The following TENT2 variants were observed in gnomAD, a reference collection of about 807,000 sequenced individuals.
TENT2 encodes the protein terminal nucleotidyltransferase 2, also known as poly(A) RNA polymerase GLD2.
Under a neutral mutation model 72.2 loss-of-function variants are expected in TENT2, and 44 were observed. The observed-to-expected ratio is 0.61, with a 90% confidence interval of 0.48 to 0.78. The LOEUF (loss-of-function observed/expected upper bound fraction) is 0.78, where lower values mean the gene tolerates loss of function less well. Ranked by LOEUF, TENT2 falls within the 30% of genes least tolerant of loss-of-function variation. TENT2 has a pLI of 0.00. For missense variants in TENT2, 541 were observed against 569.6 expected (o/e 0.95, Z 0.51); for synonymous variants, 212 against 192.5 (o/e 1.10, Z -0.84).
chr5:79,633,010 C>T (rs147512905), intron 4 of TENT2, among the ~76,000 whole-genome samples: 2 of 152,304 alleles, frequency 1.3e-5, no homozygotes, highest in East Asian at 3.9e-4. Flanking sequence ...ATTAAGAATA[C>T]TCCAACTTTG....
chr5:79,627,592 TCTC>T (rs1161359396), intron 4 of TENT2, among the ~76,000 whole-genome samples: 1 of 152,178 alleles, frequency 6.6e-6, no homozygotes, highest in East Asian at 1.9e-4. Context: ...TTCAAGCAGT[TCTC>T]CTGCCTCAGC....
chr5:79,634,325 A>G (rs1264548302), intron 4 of TENT2, among the ~76,000 whole-genome samples: 1 of 151,930 alleles, frequency 6.6e-6, no homozygotes, highest in Non-Finnish European at 1.5e-5. Context: ...TGGAAGAAAT[A>G]TTTATTTTTA....
chr5:79,688,010 A>G lies in TENT2; in HGVS notation c.*2737A>G, dbSNP rs897408718. ...GGTGTTAAGAGAATAAATATTGCTG[A>G]TGCTAAACCTGGTTTAGTGAGCTGT... is the stretch of plus-strand genomic sequence containing the variant. On this transcript the variant is annotated 3_prime_UTR_variant, in exon 15 of 15. Coordinates refer to ENST00000453514, the MANE Select transcript of TENT2 (RefSeq NM_001114394.3). Among the ~76,000 whole-genome samples the G allele has an allele frequency of 2.0e-4, 30 of 152,108 alleles. 1 individual carries two copies.
In TENT2 at chr5:79,649,209, T is replaced by TA. The variant is rs1438971283; in HGVS notation, c.1027+20dup. ...TTACAAAGTAAGTATAATGGGGTTT[T>TA]ACCCAATTTTTAAAAGTAAAAGACA... is the stretch of plus-strand genomic sequence containing the variant. On this transcript the variant is annotated intron_variant, in intron 10 of 14. Transcript: ENST00000453514. The TA allele has an allele frequency of 1.2e-6, 2 of 1,603,392 alleles. No homozygotes were observed. Among genetic ancestry groups the TA allele is most frequent in the Non-Finnish European group, 1.7e-6 (2 of 1,172,522 alleles).
chr5:79,683,117 C>T (rs933074910), intron 14 of TENT2, among the ~76,000 whole-genome samples: 1 of 151,786 alleles, frequency 6.6e-6, no homozygotes, highest in Non-Finnish European at 1.5e-5. Flanking sequence ...GCACTTCAAG[C>T]CTAGACAACA....
At chr5:79,648,194 GTGATT>G (rs928441866) in intron 8 of TENT2, among the ~76,000 whole-genome samples, 8 of 152,066 alleles carry the variant, frequency 5.3e-5, no homozygotes, top group Admixed American at 5.2e-4. Context: ...TATAATACTG[GTGATT>G]TGGGAGGCTG....
chr5:79,657,290 T>G (rs896932198), intron 11 of TENT2, among the ~76,000 whole-genome samples: 4 of 152,094 alleles, frequency 2.6e-5, no homozygotes, highest in Admixed American at 2.6e-4. Context: ...AGTTGCCCAT[T>G]TGGCCTTATT....
At chr5:79,634,154 CAAAAAA>C (rs542035431) in intron 4 of TENT2, among the ~76,000 whole-genome samples, 1 of 59,144 alleles carries the variant, frequency 1.7e-5, no homozygotes, top group Admixed American at 1.9e-4. Context: ...GACTCCGTCT[CAAAAAA>C]AAAAAAAAAA....
In TENT2 at chr5:79,656,969, C is replaced by CCCATCTTT; in HGVS notation, c.1044_1045insTTTCCATC (p.Leu349PhefsTer63). On this transcript the variant is annotated frameshift_variant, in exon 11 of 15. Coordinates refer to ENST00000453514, the MANE Select transcript of TENT2 (RefSeq NM_001114394.3). LOFTEE classifies it high-confidence loss of function. Reference sequence around the variant, plus strand: ...TTTTCTTTTTATAGCCCTACCTGAACCCATCCTTCCATCCCTCCAAAAAAT... The same window carrying CCCATCTTT: ...TTTTCTTTTTATAGCCCTACCTGAACCCATCTTTCCATCCTTCCATCCCTCCAAAAAAT... 3 of 1,605,282 alleles carry CCCATCTTT rather than the reference C, an allele frequency of 1.9e-6. No homozygotes were observed. The highest frequency in any genetic ancestry group is 1.7e-6 in the Non-Finnish European group (2 of 1,173,674).
intron 8 of TENT2, 96 bp from the exon 9 acceptor site, chr5:79,648,521 A>ATC: frequency 1.2e-6 from 1 of 814,798 alleles, no homozygotes; most frequent in Admixed American, 3.0e-5. Flanking sequence ...ACTATTTTGC[A>ATC]TCATGGGATG....
chr5:79,678,898 T>G (rs1819519764), intron 12 of TENT2, among the ~76,000 whole-genome samples: 1 of 152,124 alleles, frequency 6.6e-6, no homozygotes, highest in South Asian at 2.1e-4. Context: ...GTACTTTCTT[T>G]TCTTTTCTTT....
chr5:79,649,295 T>G (rs978531195), intron 10 of TENT2, 105 bp downstream of exon 10: 1 of 1,071,092 alleles, frequency 9.3e-7, no homozygotes, highest in African/African-American at 1.6e-5. Flanking sequence ...TTAAAAGTTC[T>G]TTCTAAGGTC....
intron 4 of TENT2, among the ~76,000 whole-genome samples, chr5:79,636,704 A>T (rs1780393887): frequency 6.6e-6 from 1 of 152,110 alleles, no homozygotes; most frequent in African/African-American, 2.4e-5. Flanking sequence ...GACATCCTTG[A>T]CAATAGTCTT....
At chr5:79,645,976 TAC>T (rs1343672835) in intron 8 of TENT2, among the ~76,000 whole-genome samples, 1 of 152,200 alleles carries the variant, frequency 6.6e-6, no homozygotes, top group African/African-American at 2.4e-5. Context: ...TTCGTGGACA[TAC>T]ACAGAGTAAT....
rs991644393 is a variant in TENT2 at position 79,618,415 on chromosome 5, A to G, written c.-37-1197A>G. 1.5e-4 allele frequency among the ~76,000 whole-genome samples: 21 copies of G among 143,934 alleles called. 1 individual carries two copies. The highest frequency in any genetic ancestry group is 6.3e-4 in the Admixed American group (9 of 14,364). 94.4% of individuals were successfully genotyped at this position (143,934 alleles called of 152,430 possible). Reference sequence around the variant, plus strand: ...CTAATTTTTTTGATTTTTTTTTTTTATAGAGACAGGGTCTCACTTTGTTGT... The same window carrying G: ...CTAATTTTTTTGATTTTTTTTTTTTGTAGAGACAGGGTCTCACTTTGTTGT... On this transcript the variant is annotated intron_variant, in intron 1 of 14. Coordinates refer to ENST00000453514, the MANE Select transcript of TENT2 (RefSeq NM_001114394.3).
At chr5:79,672,846 A>G (rs935146579) in intron 12 of TENT2, among the ~76,000 whole-genome samples, 1 of 152,174 alleles carries the variant, frequency 6.6e-6, no homozygotes. Context: ...GCTGGATCAT[A>G]TGGTAGTTCT....
intron 4 of TENT2, among the ~76,000 whole-genome samples, chr5:79,635,790 C>T (rs1008427896): frequency 2.0e-5 from 3 of 152,148 alleles, no homozygotes; most frequent in East Asian, 1.9e-4. Context: ...TCCTGAGCTC[C>T]GGCAGTCCGC....
intron 3 of TENT2, among the ~76,000 whole-genome samples, chr5:79,622,122 G>A (rs977153180): frequency 6.6e-6 from 1 of 152,080 alleles, no homozygotes; most frequent in Non-Finnish European, 1.5e-5. Flanking sequence ...CCAACATGGT[G>A]AAACCCCATC....
At chr5:79,667,481 A>G (rs547440189) in intron 11 of TENT2, among the ~76,000 whole-genome samples, 31 of 152,252 alleles carry the variant, frequency 2.0e-4, no homozygotes, top group Middle Eastern at 3.4e-3. Context: ...GTCTTTACTA[A>G]TTGAGGTTTC....
Sources: gnomAD v4.1 joint callset for allele counts (sites outside exome capture counted in the v4.1 genomes callset) on GRCh38, gnomAD v4.1.1 for gene constraint, MANE v1.5 for transcripts, NCBI Gene and HGNC (gene_info 2026-07-23, HGNC 2026-07-21) for gene names.